DRC11: variants seen among roughly 807,000 people sequenced by gnomAD.
DRC11 encodes the protein dynein regulatory complex subunit 11, also known as IQ and AAA domain-containing protein 1.
chr2:236,435,302 C>T, the DRC11 span, among the ~76,000 whole-genome samples: 19 of 152,356 alleles, frequency 1.2e-4, no homozygotes, highest in African/African-American at 4.6e-4. Flanking sequence ...ACGTGAACAG[C>T]ATCCATGGCA....
At chr2:236,498,983 G>A in the DRC11 span, among the ~76,000 whole-genome samples, 1 of 152,172 alleles carries the variant, frequency 6.6e-6, no homozygotes. Context: ...ATTGATGAAG[G>A]AGAAATCGAA....
the DRC11 span, among the ~76,000 whole-genome samples, chr2:236,444,957 T>C: frequency 1.3e-5 from 2 of 152,214 alleles, no homozygotes; most frequent in Non-Finnish European, 2.9e-5. Flanking sequence ...ACAAGACTCA[T>C]GTCTGAAACC....
At chr2:236,406,260 T>G in the DRC11 span, among the ~76,000 whole-genome samples, 5 of 152,258 alleles carry the variant, frequency 3.3e-5, no homozygotes. The surrounding 1 kb of genome is among the most constrained non-coding windows in gnomAD (Gnocchi z 4.7). Flanking sequence ...CGCCTTCTTC[T>G]TGCCCTCCCC....
chr2:236,356,783 G>A, the DRC11 span, among the ~76,000 whole-genome samples: 20 of 151,462 alleles, frequency 1.3e-4, no homozygotes, highest in Non-Finnish European at 2.5e-4. Context: ...GTACCTGGGG[G>A]GTGGCGGGGG....
At chr2:236,330,231 A>T in the DRC11 span, among the ~76,000 whole-genome samples, 2 of 152,102 alleles carry the variant, frequency 1.3e-5, no homozygotes, top group African/African-American at 4.8e-5. This position sits in a 1 kb window ranked among gnomAD's most constrained non-coding sequence, Gnocchi z 5.5. Context: ...TCAGCAAAAT[A>T]TGGCTGATGG....
the DRC11 span, among the ~76,000 whole-genome samples, chr2:236,356,040 A>G: frequency 6.6e-6 from 1 of 152,118 alleles, no homozygotes; most frequent in Non-Finnish European, 1.5e-5. Flanking sequence ...CCTTTTGTCC[A>G]GATGCTGCAG....
the DRC11 span, among the ~76,000 whole-genome samples, chr2:236,450,847 G>A: frequency 6.6e-6 from 1 of 152,086 alleles, no homozygotes; most frequent in South Asian, 2.1e-4. Context: ...TGACTATCCA[G>A]TGCCATTTGT....
At chr2:236,507,376 G>T in the DRC11 span, 1 of 1,126,798 alleles carries the variant, frequency 8.9e-7, no homozygotes, top group Non-Finnish European at 1.4e-6. Flanking sequence ...CAGAGGATTT[G>T]GGTGGGGGGT....
chr2:236,404,197 G>T, the DRC11 span, among the ~76,000 whole-genome samples: 1 of 148,170 alleles, frequency 6.7e-6, no homozygotes, highest in Admixed American at 6.7e-5. Flanking sequence ...AAAAAGAAAA[G>T]AAAAGAAAGA....
the DRC11 span, among the ~76,000 whole-genome samples, chr2:236,433,803 T>C: frequency 6.6e-6 from 1 of 152,192 alleles, no homozygotes; most frequent in Non-Finnish European, 1.5e-5. Context: ...ATAATAGTGG[T>C]GATGATGGCC....
chr2:236,502,126 ACCTT>A, the DRC11 span, among the ~76,000 whole-genome samples: 1 of 152,218 alleles, frequency 6.6e-6, no homozygotes, highest in East Asian at 1.9e-4. Flanking sequence ...GACCCAATGG[ACCTT>A]CAGTGGAGAA....
the DRC11 span, chr2:236,343,810 T>C: frequency 8.3e-7 from 1 of 1,205,516 alleles, no homozygotes; most frequent in South Asian, 1.3e-5. The surrounding 1 kb of genome is among the most constrained non-coding windows in gnomAD (Gnocchi z 6.6). Context: ...CTGAAGACTT[T>C]CTGAAATGAC....
At chr2:236,378,668 C>T in the DRC11 span, among the ~76,000 whole-genome samples, 20 of 149,432 alleles carry the variant, frequency 1.3e-4, no homozygotes, top group Non-Finnish European at 2.4e-4. Flanking sequence ...CAGCGAGACT[C>T]CGTCTCAAAA....
the DRC11 span, among the ~76,000 whole-genome samples, chr2:236,355,721 ATCTCTCTCTC>A: frequency 4.7e-5 from 7 of 147,866 alleles, no homozygotes; most frequent in Admixed American, 2.7e-4. Flanking sequence ...CTAATTGTAC[ATCTCTCTCTC>A]TCTCTCTCTC....
At chr2:236,505,977 CT>C in the DRC11 span, among the ~76,000 whole-genome samples, 2 of 152,198 alleles carry the variant, frequency 1.3e-5, no homozygotes, top group South Asian at 2.1e-4. Flanking sequence ...TTCTCTCCCC[CT>C]ACATTCACTT....
chr2:236,443,330 C>T, the DRC11 span, among the ~76,000 whole-genome samples: 2 of 152,152 alleles, frequency 1.3e-5, no homozygotes, highest in East Asian at 3.9e-4. This position sits in a 1 kb window ranked among gnomAD's most constrained non-coding sequence, Gnocchi z 4.4. Context: ...TGATGCTCTC[C>T]CTCCCCGCAA....
At chr2:236,383,633 ATTTTT>A in the DRC11 span, among the ~76,000 whole-genome samples, 1 of 122,664 alleles carries the variant, frequency 8.2e-6, no homozygotes, top group East Asian at 2.6e-4. Context: ...TTGTGTGGTC[ATTTTT>A]TTTTTTTTTG....
At chr2:236,407,778 A>ATT in the DRC11 span, 61 of 251,548 alleles carry the variant, frequency 2.4e-4, no homozygotes, top group South Asian at 5.0e-4. Flanking sequence ...TTCACTCCTC[A>ATT]TTTTTTTTTT....
the DRC11 span, among the ~76,000 whole-genome samples, chr2:236,380,024 T>C: frequency 1.4e-4 from 21 of 152,284 alleles, no homozygotes; most frequent in African/African-American, 5.1e-4. This position sits in a 1 kb window ranked among gnomAD's most constrained non-coding sequence, Gnocchi z 4.9. Context: ...TTGATAATAT[T>C]TGAAAACCTA....
Sources: gnomAD v4.1 joint callset for allele counts (sites outside exome capture counted in the v4.1 genomes callset) on GRCh38, gnomAD v4.1.1 for gene constraint, Gnocchi (gnomAD v3.1) non-coding constraint, MANE v1.5 for transcripts, NCBI Gene and HGNC (gene_info 2026-07-23, HGNC 2026-07-21) for gene names.